The following LRRC4C variants were observed in gnomAD, a reference collection of about 807,000 sequenced individuals.
The protein encoded by LRRC4C is leucine rich repeat containing 4C, also known as leucine-rich repeat-containing protein 4C.
A neutral mutation model predicts 33.6 loss-of-function variants in LRRC4C; 5 were observed. The ratio of observed to expected loss-of-function variants is 0.15; its 90% CI spans 0.08 to 0.31. The LOEUF is 0.31. LRRC4C is among the 10% of genes least tolerant of loss of function. The probability of loss-of-function intolerance (pLI) is 1.00; values close to 1 mark genes in which losing one functional copy is unlikely to be tolerated. For missense variants in LRRC4C, 560 were observed against 796.7 expected (o/e 0.70, Z 3.58); for synonymous variants, 329 against 302.0 (o/e 1.09, Z -0.93).
chr11:40,459,359 C>T (rs747614966), intron 3 of LRRC4C, among the ~76,000 whole-genome samples: 13 of 152,130 alleles, frequency 8.5e-5, no homozygotes, highest in Non-Finnish European at 5.9e-5. Flanking sequence ...TTCCCATTTG[C>T]CAGAGCAGTG....
rs1852754784 is a variant in LRRC4C at position 40,984,197 on chromosome 11, TAGGAAGGAAGGAAAGA to T, written c.-495-50490_-495-50475del. Among the ~76,000 whole-genome samples, 3 of 102,270 alleles carry T rather than the reference TAGGAAGGAAGGAAAGA, an allele frequency of 2.9e-5. No homozygotes were observed. In the South Asian group the frequency reaches 9.1e-4, roughly 31 times the overall value. 67.1% of individuals were successfully genotyped at this position (102,270 alleles called of 152,430 possible). A position where few individuals can be genotyped will look rare whatever the true frequency, so the allele number is the denominator to read the frequency against. ...AAGGAAGGAAAGGAAGGAAGGAAGG[TAGGAAGGAAGGAAAGA>T]AGGAAGGAAGAAAGAGGAAAGGAAA... On this transcript the variant is annotated intron_variant, in intron 1 of 6. Coordinates refer to ENST00000528697, the MANE Select transcript of LRRC4C (RefSeq NM_001258419.2).
chr11:41,195,759 G>A (rs10837596), intron 1 of LRRC4C, among the ~76,000 whole-genome samples: 5,483 of 152,168 alleles, frequency 0.036, 132 homozygotes, highest in East Asian at 0.065. Context: ...TGTAAAAGGA[G>A]CAAGTTTTTT....
chr11:40,517,931 G>A (rs1448840911), intron 3 of LRRC4C, among the ~76,000 whole-genome samples: 1 of 152,038 alleles, frequency 6.6e-6, no homozygotes, highest in Non-Finnish European at 1.5e-5. Context: ...CAATAGAACA[G>A]AACAGAGGCC....
At chr11:40,990,263 ATAT>A (rs1565277717) in intron 1 of LRRC4C, among the ~76,000 whole-genome samples, 1 of 139,916 alleles carries the variant, frequency 7.1e-6, no homozygotes, top group Non-Finnish European at 1.5e-5. Flanking sequence ...ATATATATAT[ATAT>A]ATATATATGA....
At chr11:40,770,195 A>T (rs1023938161) in intron 2 of LRRC4C, among the ~76,000 whole-genome samples, 2 of 152,214 alleles carry the variant, frequency 1.3e-5, no homozygotes, top group African/African-American at 4.8e-5. Flanking sequence ...GCAGTTTCAC[A>T]TGTTTAGGGA....
chr11:40,681,361 C>A (rs975140101), intron 2 of LRRC4C, among the ~76,000 whole-genome samples: 3 of 152,162 alleles, frequency 2.0e-5, no homozygotes, highest in African/African-American at 7.2e-5. Context: ...TGCCCCAATA[C>A]ACAATACACT....
At chr11:40,629,226 G>C (rs1591316808) in intron 3 of LRRC4C, among the ~76,000 whole-genome samples, 1 of 151,972 alleles carries the variant, frequency 6.6e-6, no homozygotes, top group East Asian at 1.9e-4. Context: ...GTTGTTATTG[G>C]CAATCAACCA....
intron 1 of LRRC4C, among the ~76,000 whole-genome samples, chr11:41,109,979 A>G (rs112696124): frequency 3.3e-5 from 5 of 152,178 alleles, no homozygotes; most frequent in African/African-American, 1.2e-4. Flanking sequence ...TGTACCAAAG[A>G]CAAAATGCAA....
chr11:41,098,244 T>C (rs1940942535), intron 1 of LRRC4C, among the ~76,000 whole-genome samples: 1 of 152,138 alleles, frequency 6.6e-6, no homozygotes, highest in South Asian at 2.1e-4. Context: ...ATAGAACTCA[T>C]TGTCTTTAGG....
intron 3 of LRRC4C, among the ~76,000 whole-genome samples, chr11:40,414,659 A>C (rs1327778171): frequency 6.6e-6 from 1 of 152,128 alleles, no homozygotes; most frequent in African/African-American, 2.4e-5. Flanking sequence ...GGCTAATTTA[A>C]AAAAAGACCT....
At chr11:40,731,782 T>A (rs2136791073) in intron 2 of LRRC4C, among the ~76,000 whole-genome samples, 1 of 152,280 alleles carries the variant, frequency 6.6e-6, no homozygotes, top group South Asian at 2.1e-4. Flanking sequence ...GAAAATGCCA[T>A]CTCATTAGTA....
At chr11:40,209,215 T>C (rs889905538) in intron 5 of LRRC4C, among the ~76,000 whole-genome samples, 1 of 152,178 alleles carries the variant, frequency 6.6e-6, no homozygotes, top group South Asian at 2.1e-4. Context: ...TCCCCCAAGG[T>C]AGCTGTTTCA....
chr11:40,646,873 T>C (rs1942496277), intron 3 of LRRC4C, among the ~76,000 whole-genome samples: 1 of 152,184 alleles, frequency 6.6e-6, no homozygotes, highest in Admixed American at 6.5e-5. Flanking sequence ...CCCAAAATGC[T>C]GGGATTACAG....
intron 2 of LRRC4C, among the ~76,000 whole-genome samples, chr11:40,904,953 C>T (rs967394876): frequency 6.6e-6 from 1 of 152,094 alleles, no homozygotes; most frequent in African/African-American, 2.4e-5. Flanking sequence ...AAGCTGCAGG[C>T]CCCTCATGTC....
chr11:40,786,467 A>C (rs1393841796), intron 2 of LRRC4C, among the ~76,000 whole-genome samples: 4 of 152,202 alleles, frequency 2.6e-5, no homozygotes, highest in South Asian at 2.1e-4. Context: ...TGATGCTTGA[A>C]GTCCCTGAAC....
At chr11:41,205,400 C>A (rs1255286506) in intron 1 of LRRC4C, among the ~76,000 whole-genome samples, 7 of 152,280 alleles carry the variant, frequency 4.6e-5, no homozygotes, top group Admixed American at 4.6e-4. Flanking sequence ...CTCCTGAAAT[C>A]TTCAAGGCAG....
intron 3 of LRRC4C, among the ~76,000 whole-genome samples, chr11:40,621,123 A>G (rs1962412334): frequency 1.3e-5 from 2 of 151,678 alleles, no homozygotes; most frequent in South Asian, 4.1e-4. Context: ...ATAAATCAAA[A>G]CATCCTCTTA....
At chr11:40,827,558 T>C (rs777949187) in intron 2 of LRRC4C, among the ~76,000 whole-genome samples, 166 of 152,068 alleles carry the variant, frequency 1.1e-3, no homozygotes, top group Non-Finnish European at 1.1e-3. Context: ...TATTAAAACC[T>C]GAATAACACA....
intron 1 of LRRC4C, among the ~76,000 whole-genome samples, chr11:41,400,518 T>C (rs1169018590): frequency 6.6e-6 from 1 of 151,846 alleles, no homozygotes; most frequent in Non-Finnish European, 1.5e-5. Flanking sequence ...CTGGGAATTC[T>C]ACAACTATCA....
Sources: gnomAD v4.1 joint callset for allele counts (sites outside exome capture counted in the v4.1 genomes callset) on GRCh38, gnomAD v4.1.1 for gene constraint, MANE v1.5 for transcripts, NCBI Gene and HGNC (gene_info 2026-07-23, HGNC 2026-07-21) for gene names.